The following TG variants were observed in gnomAD, a reference collection of about 807,000 sequenced individuals.
TG encodes thyroglobulin, also known as thyroid hormones.
TG carries 270 observed loss-of-function variants against 324.7 expected under a neutral mutation model. The observed-to-expected ratio is 0.83, with a 90% confidence interval of 0.75 to 0.92. The LOEUF (loss-of-function observed/expected upper bound fraction) is 0.92, where lower values mean the gene tolerates loss of function less well. Among genes scored for constraint, TG ranks in the 40% least tolerant of loss-of-function variants. The pLI is 0.00. For missense variants in TG, 3,591 were observed against 3,456.4 expected (o/e 1.04, Z -0.98); for synonymous variants, 1,401 against 1,327.0 (o/e 1.06, Z -1.21).
At chr8:132,876,559 A>G (rs1813827774) in intron 5 of TG, among the ~76,000 whole-genome samples, 1 of 152,184 alleles carries the variant, frequency 6.6e-6, no homozygotes, top group South Asian at 2.1e-4. Flanking sequence ...GTGCTGGGTG[A>G]TGGTTTGCAC....
rs574118672 is a variant in TG at position 133,013,779 on chromosome 8, A to T, written c.6562+15A>T. 6.2e-7 allele frequency: 1 copy of T among 1,605,930 alleles called. No individual in the cohort carries two copies. Among genetic ancestry groups the T allele is most frequent in the Non-Finnish European group, 8.5e-7 (1 of 1,179,448 alleles). On this transcript the variant is annotated intron_variant, in intron 37 of 47. Transcript: ENST00000220616. ...CCGGAAGCCAGGTAAGCCCAAGCCT[A>T]TGCCTTTGCAGCCATCCTGGGAAAC...
At chr8:133,014,305 C>T (rs1453181399) in intron 37 of TG, among the ~76,000 whole-genome samples, 1 of 152,180 alleles carries the variant, frequency 6.6e-6, no homozygotes, top group African/African-American at 2.4e-5. Flanking sequence ...CTGTTCCTGG[C>T]TGAGTTTAGT....
At chr8:132,899,248 C>T (rs1227699729) in intron 14 of TG, among the ~76,000 whole-genome samples, 1 of 152,182 alleles carries the variant, frequency 6.6e-6, no homozygotes, top group Non-Finnish European at 1.5e-5. Context: ...GCATCTTGGC[C>T]AAGGCCCTAT....
At chr8:133,103,444 G>A (rs951371365) in intron 43 of TG, among the ~76,000 whole-genome samples, 33 of 152,144 alleles carry the variant, frequency 2.2e-4, no homozygotes, top group Non-Finnish European at 3.8e-4. Context: ...CTCCCCAGGG[G>A]CCCTGTGAGC....
chr8:133,104,591 A>C (rs905655436), intron 43 of TG, among the ~76,000 whole-genome samples: 6 of 152,254 alleles, frequency 3.9e-5, no homozygotes, highest in African/African-American at 1.4e-4. Context: ...AACCAAGAAA[A>C]TGCGGTATCA....
At chr8:132,953,554 C>T (rs556453680) in intron 27 of TG, among the ~76,000 whole-genome samples, 1 of 152,288 alleles carries the variant, frequency 6.6e-6, no homozygotes, top group African/African-American at 2.4e-5. Context: ...ACTTGCCACA[C>T]AGAAGTTAGG....
intron 41 of TG, among the ~76,000 whole-genome samples, chr8:133,083,731 G>T (rs1281424054): frequency 6.6e-6 from 1 of 152,090 alleles, no homozygotes; most frequent in African/African-American, 2.4e-5. Context: ...ATTTGAAGAG[G>T]ATTTGAAGAG....
At chr8:132,936,220 G>A (rs1256074221) in intron 25 of TG, among the ~76,000 whole-genome samples, 1 of 152,240 alleles carries the variant, frequency 6.6e-6, no homozygotes, top group Non-Finnish European at 1.5e-5. Context: ...AACCCGCTGA[G>A]TTCAGCCTGT....
At chr8:133,100,752 C>T (rs1316538677) in intron 43 of TG, among the ~76,000 whole-genome samples, 2 of 152,140 alleles carry the variant, frequency 1.3e-5, no homozygotes, top group Non-Finnish European at 2.9e-5. Context: ...TGTACACAAA[C>T]CCAGCTAGAA....
intron 35 of TG, chr8:132,995,400 G>C (rs1198238226): frequency 1.0e-6 from 1 of 985,176 alleles, no homozygotes; most frequent in Non-Finnish European, 1.2e-6. Context: ...GCCGCCTTAG[G>C]AGTCTGTCTG....
At chr8:133,072,735 C>A (rs796154950) in intron 41 of TG, among the ~76,000 whole-genome samples, 13 of 152,312 alleles carry the variant, frequency 8.5e-5, no homozygotes, top group African/African-American at 2.9e-4. Flanking sequence ...AATACATTGC[C>A]AGATTTCACA....
At chr8:133,072,047 C>T (rs939344364) in intron 41 of TG, among the ~76,000 whole-genome samples, 1 of 152,154 alleles carries the variant, frequency 6.6e-6, no homozygotes, top group Admixed American at 6.5e-5. Context: ...AGCTATTTTG[C>T]CCCTAAGCAC....
In TG at chr8:132,923,439, GT is replaced by G; in HGVS notation, c.4631del (p.Val1544GlyfsTer23). 6.2e-7 allele frequency: 1 copy of G among 1,614,178 alleles called. No individual in the cohort carries two copies. Among genetic ancestry groups the G allele is most frequent in the Non-Finnish European group, 8.5e-7 (1 of 1,180,038 alleles). Reference sequence around the variant, plus strand: ...CAGGGGCAGTGGGAAGGCCTTCTGTGTGGACGGCGAGGGGCGGAGGCTGCCA... The same window carrying G: ...CAGGGGCAGTGGGAAGGCCTTCTGTGGGACGGCGAGGGGCGGAGGCTGCCA... ...KDRGSGKAFC[V>X]DGEGRRLPWW... On this transcript the variant is annotated frameshift_variant, in exon 22 of 48. Transcript: ENST00000220616. LOFTEE classifies it high-confidence loss of function.
chr8:132,950,038 C>G (rs552719973), intron 27 of TG, among the ~76,000 whole-genome samples: 2 of 152,368 alleles, frequency 1.3e-5, no homozygotes, highest in East Asian at 3.9e-4. Flanking sequence ...CCCCAGCCCT[C>G]AGGGTGGGTC....
At chr8:132,960,615 A>G (rs1336722645) in intron 27 of TG, among the ~76,000 whole-genome samples, 1 of 152,246 alleles carries the variant, frequency 6.6e-6, no homozygotes, top group Admixed American at 6.5e-5. Flanking sequence ...CCATTCTCAA[A>G]ATCGCTGTCC....
In TG at chr8:133,091,968, C is replaced by T. The variant is rs934951558; in HGVS notation, c.7240-3076C>T. Among the ~76,000 whole-genome samples, 6 of 151,876 alleles carry T rather than the reference C, an allele frequency of 4.0e-5. No individual in the cohort carries two copies. In the South Asian group the frequency reaches 8.3e-4, roughly 21 times the overall value. ...CCATCTGTGGCTGTGTGTCTGTGCACGTAAGCATATGTCTCTGTCAGTGTC... is the reference window on the plus strand; with the variant it reads ...CCATCTGTGGCTGTGTGTCTGTGCATGTAAGCATATGTCTCTGTCAGTGTC... On this transcript the variant is annotated intron_variant, in intron 41 of 47. Transcript: ENST00000220616.
intron 4 of TG, 84 bp downstream of exon 4, chr8:132,871,635 C>T (rs1328331560): frequency 7.1e-7 from 1 of 1,411,790 alleles, no homozygotes; most frequent in Non-Finnish European, 9.7e-7. Context: ...TTTAGGGTTT[C>T]CTGCCGAAGT....
intron 11 of TG, among the ~76,000 whole-genome samples, chr8:132,895,160 C>G (rs535828148): frequency 6.6e-6 from 1 of 152,372 alleles, no homozygotes; most frequent in African/African-American, 2.4e-5. Context: ...TTGACAAGGA[C>G]AAATGATTAA....
chr8:133,039,979 A>ACG (rs34759687), intron 41 of TG: 8 of 833,322 alleles, frequency 9.6e-6, no homozygotes, highest in South Asian at 2.9e-5. Flanking sequence ...ACACACACAC[A>ACG]TACACACACC....
Sources: gnomAD v4.1 joint callset for allele counts (sites outside exome capture counted in the v4.1 genomes callset) on GRCh38, gnomAD v4.1.1 for gene constraint, MANE v1.5 for transcripts, NCBI Gene and HGNC (gene_info 2026-07-23, HGNC 2026-07-21) for gene names.